The following CNTNAP4 variants were observed in gnomAD, a reference collection of about 807,000 sequenced individuals.
CNTNAP4 encodes the protein contactin associated protein family member 4.
In CNTNAP4, 98 loss-of-function variants were observed where a neutral mutation model predicts 148.4. That is an observed-to-expected ratio of 0.66 (90% CI 0.56 to 0.78). CNTNAP4 has a LOEUF of 0.78. Ranked by LOEUF, CNTNAP4 falls within the 30% of genes least tolerant of loss-of-function variation. The pLI is 0.00. For synonymous variants in CNTNAP4, 730 were observed against 565.1 expected (o/e 1.29, Z -4.14); for missense variants, 1,935 against 1,565.6 (o/e 1.24, Z -3.98).
Position 76,281,159 on chromosome 16 carries a change from G to C in CNTNAP4, c.85+3412G>C, listed in dbSNP as rs925609226. Among the ~76,000 whole-genome samples, 3 of 152,228 alleles carry C rather than the reference G, an allele frequency of 2.0e-5. No homozygotes were observed. The East Asian group carries it at 5.8e-4, about 29-fold the overall frequency. ...ATGATCACTCTTGTGGGTCCTGGGA[G>C]ACAGCTGGACAGATTCTCACATTGT... On this transcript the variant is annotated intron_variant, in intron 1 of 23. Transcript: ENST00000611870.
chr16:76,338,293 C>G (rs1448807403), intron 2 of CNTNAP4, among the ~76,000 whole-genome samples: 1 of 152,208 alleles, frequency 6.6e-6, no homozygotes, highest in Non-Finnish European at 1.5e-5. Flanking sequence ...GCTGGTCCCT[C>G]CATTCGGGGT....
intron 1 of CNTNAP4, among the ~76,000 whole-genome samples, chr16:76,299,534 T>C (rs1959704876): frequency 6.6e-6 from 1 of 152,140 alleles, no homozygotes; most frequent in Non-Finnish European, 1.5e-5. Context: ...GGAACACTTT[T>C]ACACTGTTGG....
intron 10 of CNTNAP4, among the ~76,000 whole-genome samples, chr16:76,469,042 C>G (rs905216893): frequency 6.6e-6 from 1 of 152,112 alleles, no homozygotes; most frequent in Admixed American, 6.5e-5. Context: ...CAAAAAGACT[C>G]TTCTATTTAT....
At chr16:76,479,981 T>C (rs2081755988) in intron 12 of CNTNAP4, among the ~76,000 whole-genome samples, 1 of 152,162 alleles carries the variant, frequency 6.6e-6, no homozygotes, top group African/African-American at 2.4e-5. Flanking sequence ...CTCAACAAAT[T>C]ACCAATAGAA....
intron 17 of CNTNAP4, among the ~76,000 whole-genome samples, chr16:76,533,038 TAA>T (rs2084053007): frequency 6.6e-6 from 1 of 152,094 alleles, no homozygotes. Context: ...GCTGCACCCC[TAA>T]GTTTATTGCA....
At chr16:76,544,452 A>G (rs985668038) in intron 21 of CNTNAP4, among the ~76,000 whole-genome samples, 3 of 152,190 alleles carry the variant, frequency 2.0e-5, no homozygotes, top group Non-Finnish European at 4.4e-5. Context: ...AAGAAACAGT[A>G]TCAAACTGTA....
At chr16:76,468,406 G>A (rs1417828039) in intron 10 of CNTNAP4, among the ~76,000 whole-genome samples, 1 of 152,026 alleles carries the variant, frequency 6.6e-6, no homozygotes, top group Non-Finnish European at 1.5e-5. Context: ...TCAGGGAGGC[G>A]GAGGTTGCAG....
chr16:76,542,840 A>ATAC (rs1157697545), intron 21 of CNTNAP4, among the ~76,000 whole-genome samples: 1 of 152,216 alleles, frequency 6.6e-6, no homozygotes, highest in Non-Finnish European at 1.5e-5. Flanking sequence ...TTATAAGCTG[A>ATAC]TACTATGTCA....
At chr16:76,450,252 C>G (rs1335481880) in intron 7 of CNTNAP4, among the ~76,000 whole-genome samples, 1 of 152,046 alleles carries the variant, frequency 6.6e-6, no homozygotes, top group Non-Finnish European at 1.5e-5. Flanking sequence ...CAGATTCAAG[C>G]GATTCTCCTA....
At chr16:76,348,876 G>A (rs926559061) in intron 2 of CNTNAP4, among the ~76,000 whole-genome samples, 2 of 151,930 alleles carry the variant, frequency 1.3e-5, no homozygotes, top group Non-Finnish European at 2.9e-5. Context: ...AAATAGAATG[G>A]GGTCAAGAGA....
intron 15 of CNTNAP4, among the ~76,000 whole-genome samples, chr16:76,512,492 T>C (rs1395229711): frequency 6.6e-6 from 1 of 152,104 alleles, no homozygotes; most frequent in Admixed American, 6.6e-5. Flanking sequence ...AACACCAAGG[T>C]GTTTGATCTA....
intron 12 of CNTNAP4, among the ~76,000 whole-genome samples, chr16:76,484,531 C>G (rs1350075961): frequency 2.0e-5 from 3 of 152,080 alleles, no homozygotes; most frequent in Non-Finnish European, 4.4e-5. Context: ...CGTGTTACTA[C>G]TTGAAACTTT....
intron 1 of CNTNAP4, among the ~76,000 whole-genome samples, chr16:76,307,556 G>C (rs944915123): frequency 8.6e-6 from 1 of 116,592 alleles, no homozygotes; most frequent in Non-Finnish European, 1.7e-5. Flanking sequence ...CTCCAGAAAT[G>C]CTTACCCCAT....
At position 76,339,179 on chromosome 16, in the gene CNTNAP4, TAA is replaced by T. The variant is rs368767106; in HGVS notation, c.197-16136_197-16135del. Among the ~76,000 whole-genome samples, 595 of 144,360 alleles carry T rather than the reference TAA, an allele frequency of 4.1e-3. 4 individuals are homozygous for T. Among genetic ancestry groups the T allele is most frequent in the African/African-American group, 0.014 (573 of 39,874 alleles). The allele number at this position is 144,360 out of a possible 152,430, so 94.7% of individuals were successfully genotyped here. On this transcript the variant is annotated intron_variant, in intron 2 of 23. Coordinates refer to ENST00000611870, the MANE Select transcript of CNTNAP4 (RefSeq NM_033401.5). Reference sequence around the variant, plus strand: ...ATGAAAGGTGGCATTTAGAGATTTTTAAAAGAGTGGTCTTTTTAACTGTCTAA... The same window carrying T: ...ATGAAAGGTGGCATTTAGAGATTTTTAAGAGTGGTCTTTTTAACTGTCTAA...
intron 3 of CNTNAP4, among the ~76,000 whole-genome samples, chr16:76,370,420 C>T (rs1220518107): frequency 6.6e-6 from 1 of 152,122 alleles, no homozygotes; most frequent in African/African-American, 2.4e-5. Flanking sequence ...CAGTGGGTAT[C>T]TTTTGGGGGC....
rs370507920 is a variant in CNTNAP4, at chr16:76,448,196, C to G, written c.723C>G (p.Leu241=). 28 of 1,611,258 alleles carry G rather than the reference C, an allele frequency of 1.7e-5. No homozygotes were observed. Among genetic ancestry groups the G allele is most frequent in the Non-Finnish European group, 2.4e-5 (28 of 1,178,296 alleles). The change falls in exon 5 of 24, where the codon CTC becomes CTG. Residue 241 remains leucine (L), a synonymous_variant. Transcript: ENST00000611870. ...CACTGCAATTAAGAAGAGCAAGACT[C>G]TTTTTACTTATTAATTCAGGTAAAA... is the stretch of plus-strand genomic sequence containing the variant. The part of the protein sequence containing the change: ...HITLQLRRAR[L]FLLINSGEAK...
At chr16:76,548,106 C>T (rs538688457) in intron 21 of CNTNAP4, among the ~76,000 whole-genome samples, 43 of 152,246 alleles carry the variant, frequency 2.8e-4, no homozygotes, top group Non-Finnish European at 5.0e-4. Context: ...TAACTCAGTA[C>T]AGTAGGTTTG....
Position 76,489,855 on chromosome 16 carries a change from C to T in CNTNAP4, c.2052C>T (p.Cys684=). The T allele has an allele frequency of 6.4e-7, 1 of 1,574,224 alleles. No individual in the cohort carries two copies. The highest frequency in any genetic ancestry group is 1.2e-5 in the South Asian group (1 of 85,268). ...EHCEQEFTYY[C]KKSRLVNKQD... is the part of the protein sequence containing the mutation. The stretch of plus-strand genomic sequence containing the variant: ...GTGAACAGGAGTTTACTTATTACTG[C>T]AAGAAGTCACGGCTGGTCAATAAGC... Residue 684 remains cysteine (C), a synonymous_variant, in exon 13 of 24, where the codon TGC becomes TGT. Transcript: ENST00000611870.
At chr16:76,494,883 G>A (rs1258436927) in intron 13 of CNTNAP4, 27 bp from the exon 14 acceptor site, 9 of 1,608,422 alleles carry the variant, frequency 5.6e-6, no homozygotes, top group Non-Finnish European at 6.8e-6. Context: ...TAAAACAGAT[G>A]TCACATTTTT....
Sources: gnomAD v4.1 joint callset for allele counts (sites outside exome capture counted in the v4.1 genomes callset) on GRCh38, gnomAD v4.1.1 for gene constraint, MANE v1.5 for transcripts, NCBI Gene and HGNC (gene_info 2026-07-23, HGNC 2026-07-21) for gene names.